Variants in GALNT13 observed in about 807,000 individuals in gnomAD.
GALNT13 encodes UDP-GalNAc:polypeptide N-acetylgalactosaminyltransferase 13.
A neutral mutation model predicts 64.2 loss-of-function variants in GALNT13; 28 were observed. The observed-to-expected ratio is 0.44, with a 90% CI of 0.32 to 0.60. The LOEUF (loss-of-function observed/expected upper bound fraction) is 0.60, where lower values mean the gene tolerates loss of function less well. Among genes scored for constraint, GALNT13 ranks in the 20% least tolerant of loss-of-function variants. GALNT13 has a pLI of 0.05. For synonymous variants in GALNT13, 214 were observed against 224.6 expected, an observed-to-expected ratio of 0.95 and a Z score of 0.42; for missense variants, 577 against 669.8, an observed-to-expected ratio of 0.86 and a Z score of 1.53.
At chr2:154,003,833 C>G (rs762298449) in intron 3 of GALNT13, among the ~76,000 whole-genome samples, 1 of 152,160 alleles carries the variant, frequency 6.6e-6, no homozygotes, top group East Asian at 1.9e-4. Flanking sequence ...CTTCCTCCTT[C>G]TGTGACCATG....
chr2:154,261,404 C>T (rs986452131), intron 8 of GALNT13, among the ~76,000 whole-genome samples: 1 of 152,134 alleles, frequency 6.6e-6, no homozygotes, highest in South Asian at 2.1e-4. Flanking sequence ...TTATGTTTTA[C>T]TTTCTTCTCT....
chr2:153,756,631 T>A, the GALNT13 span, among the ~76,000 whole-genome samples: 1 of 152,082 alleles, frequency 6.6e-6, no homozygotes, highest in East Asian at 1.9e-4. Flanking sequence ...AGTGCCTTTA[T>A]CTTTTAATTA....
chr2:153,792,303 T>C, the GALNT13 span, among the ~76,000 whole-genome samples: 2 of 151,620 alleles, frequency 1.3e-5, no homozygotes, highest in Non-Finnish European at 2.9e-5. Flanking sequence ...GACTTTTTTT[T>C]CTTGTCATTC....
chr2:154,304,470 T>C (rs966974783), intron 9 of GALNT13, among the ~76,000 whole-genome samples: 2 of 152,226 alleles, frequency 1.3e-5, no homozygotes, highest in South Asian at 2.1e-4. Flanking sequence ...TGTGATTGCA[T>C]GCAATGTACA....
At chr2:153,537,528 G>A in the GALNT13 span, among the ~76,000 whole-genome samples, 1 of 152,144 alleles carries the variant, frequency 6.6e-6, no homozygotes, top group Non-Finnish European at 1.5e-5. Context: ...GACTCAGAAA[G>A]TACTACAAAT....
chr2:153,843,525 C>T, the GALNT13 span, among the ~76,000 whole-genome samples: 1 of 152,196 alleles, frequency 6.6e-6, no homozygotes, highest in Non-Finnish European at 1.5e-5. Flanking sequence ...CAAACGATAT[C>T]ATTCTATCCC....
chr2:154,399,860 C>T (rs1216168728), intron 10 of GALNT13, among the ~76,000 whole-genome samples: 1 of 152,090 alleles, frequency 6.6e-6, no homozygotes, highest in Non-Finnish European at 1.5e-5. Flanking sequence ...TAAAGAAATT[C>T]AGTAGAAGTA....
At chr2:154,294,433 A>G (rs1692804973) in intron 8 of GALNT13, among the ~76,000 whole-genome samples, 2 of 152,196 alleles carry the variant, frequency 1.3e-5, no homozygotes, top group Admixed American at 1.3e-4. Flanking sequence ...CCCTACTTTA[A>G]AAGATTTCAA....
At chr2:153,991,806 A>G (rs1278798811) in intron 3 of GALNT13, among the ~76,000 whole-genome samples, 2 of 152,148 alleles carry the variant, frequency 1.3e-5, no homozygotes, top group South Asian at 2.1e-4. Context: ...ACATCTATTT[A>G]TACTTACTTA....
chr2:153,408,457 G>T, the GALNT13 span, among the ~76,000 whole-genome samples: 8 of 152,080 alleles, frequency 5.3e-5, no homozygotes, highest in Non-Finnish European at 1.2e-4. Flanking sequence ...AGGGAAGAAG[G>T]AATGAAGGAG....
At chr2:153,665,084 G>A in the GALNT13 span, among the ~76,000 whole-genome samples, 1 of 152,128 alleles carries the variant, frequency 6.6e-6, no homozygotes, top group African/African-American at 2.4e-5. Context: ...GTATAAACAG[G>A]CAAGGAAGAA....
the GALNT13 span, among the ~76,000 whole-genome samples, chr2:153,694,699 A>T: frequency 1.3e-5 from 2 of 152,164 alleles, no homozygotes; most frequent in Admixed American, 6.5e-5. Context: ...GGTAGAAAGC[A>T]TTGAGTTGCA....
the GALNT13 span, among the ~76,000 whole-genome samples, chr2:153,400,357 G>A: frequency 6.6e-6 from 1 of 152,174 alleles, no homozygotes; most frequent in Non-Finnish European, 1.5e-5. Context: ...GTGCATCGAT[G>A]TTCTTCAAGG....
chr2:153,259,225 T>C, the GALNT13 span, among the ~76,000 whole-genome samples: 1 of 152,234 alleles, frequency 6.6e-6, no homozygotes, highest in African/African-American at 2.4e-5. Flanking sequence ...CTATCTTGTC[T>C]GAAATAAGTA....
At chr2:153,800,656 C>T in the GALNT13 span, among the ~76,000 whole-genome samples, 1 of 152,304 alleles carries the variant, frequency 6.6e-6, no homozygotes, top group African/African-American at 2.4e-5. Flanking sequence ...CGTTCACAAG[C>T]ATCATCACCA....
At chr2:153,130,477 C>G in the GALNT13 span, among the ~76,000 whole-genome samples, 1 of 152,150 alleles carries the variant, frequency 6.6e-6, no homozygotes, top group Non-Finnish European at 1.5e-5. Context: ...GCTGAAAACT[C>G]TCTAAGTGAT....
chr2:154,195,262 C>T (rs1310023367), intron 4 of GALNT13, among the ~76,000 whole-genome samples: 1 of 152,144 alleles, frequency 6.6e-6, no homozygotes, highest in Admixed American at 6.5e-5. Flanking sequence ...TCTTCTGCTG[C>T]AGGTTTTGGC....
the GALNT13 span, among the ~76,000 whole-genome samples, chr2:153,435,899 T>G: frequency 6.6e-6 from 1 of 152,098 alleles, no homozygotes; most frequent in Non-Finnish European, 1.5e-5. Flanking sequence ...CATCCCTGTC[T>G]TGTGCCAGTT....
intron 3 of GALNT13, among the ~76,000 whole-genome samples, chr2:153,996,639 T>A (rs1446092251): frequency 6.6e-6 from 1 of 152,162 alleles, no homozygotes; most frequent in Non-Finnish European, 1.5e-5. Context: ...AACTTCAGTA[T>A]GTTGACTGTT....
Sources: gnomAD v4.1 joint callset for allele counts (sites outside exome capture counted in the v4.1 genomes callset) on GRCh38, gnomAD v4.1.1 for gene constraint, MANE v1.5 for transcripts, NCBI Gene and HGNC (gene_info 2026-07-23, HGNC 2026-07-21) for gene names.